Variants in DCC observed in about 807,000 individuals in gnomAD.
DCC encodes DCC netrin 1 receptor.
In DCC, 58 loss-of-function variants were observed where a neutral mutation model predicts 172.5. That is an observed-to-expected ratio of 0.34 (90% CI 0.27 to 0.42). The LOEUF (loss-of-function observed/expected upper bound fraction) is 0.42, where lower values mean the gene tolerates loss of function less well. DCC is among the 10% of genes least tolerant of loss of function. DCC has a pLI of 1.00. For synonymous variants in DCC, 709 were observed against 644.5 expected (o/e 1.10, Z -1.52); for missense variants, 1,740 against 1,791.0 (o/e 0.97, Z 0.51).
At chr18:53,151,259 G>A (rs2043992233) in intron 7 of DCC, among the ~76,000 whole-genome samples, 1 of 152,172 alleles carries the variant, frequency 6.6e-6, no homozygotes, top group South Asian at 2.1e-4. Flanking sequence ...CATTTAGTGA[G>A]GTGGTGTGTT....
chr18:52,568,385 A>T (rs1397786492), intron 1 of DCC, among the ~76,000 whole-genome samples: 1 of 152,148 alleles, frequency 6.6e-6, no homozygotes, highest in Non-Finnish European at 1.5e-5. Context: ...ATTCTTTAGC[A>T]GTAAAAAAAG....
chr18:52,603,751 T>A (rs904412311), intron 1 of DCC, among the ~76,000 whole-genome samples: 1 of 151,718 alleles, frequency 6.6e-6, no homozygotes, highest in Non-Finnish European at 1.5e-5. Context: ...AAGAGAGAAT[T>A]TTTTTGATTC....
intron 1 of DCC, among the ~76,000 whole-genome samples, chr18:52,567,718 A>G (rs182342641): frequency 4.6e-5 from 7 of 152,254 alleles, no homozygotes; most frequent in Admixed American, 4.6e-4. Context: ...AATGTACATT[A>G]TTTCCATGAT....
chr18:52,752,007 A>G, intron 1 of DCC, 47 bp from the exon 2 acceptor site: 1 of 1,520,064 alleles, frequency 6.6e-7, no homozygotes, highest in Non-Finnish European at 9.1e-7. Context: ...TAAGCCTGAG[A>G]TTTATTTGAA....
At chr18:53,047,235 GATATATAT>G (rs70944616) in intron 5 of DCC, among the ~76,000 whole-genome samples, 17 of 30,274 alleles carry the variant, frequency 5.6e-4, no homozygotes, top group South Asian at 3.4e-3. Flanking sequence ...CTGCAGGTAG[GATATATAT>G]ATATATATAT....
At chr18:53,172,848 A>G (rs2055034028) in intron 8 of DCC, among the ~76,000 whole-genome samples, 1 of 152,120 alleles carries the variant, frequency 6.6e-6, no homozygotes, top group African/African-American at 2.4e-5. Flanking sequence ...TCAATACTAG[A>G]TTTAGAGGAG....
chr18:53,157,582 CAGG>C, intron 8 of DCC, 70 bp downstream of exon 8: 6 of 1,520,726 alleles, frequency 3.9e-6, no homozygotes, highest in Non-Finnish European at 5.4e-6. Flanking sequence ...TGGGTAATGG[CAGG>C]AGGAGATCTT....
At chr18:52,571,646 A>G (rs1197377792) in intron 1 of DCC, among the ~76,000 whole-genome samples, 1 of 151,940 alleles carries the variant, frequency 6.6e-6, no homozygotes, top group African/African-American at 2.4e-5. Context: ...CCTCATTACT[A>G]CCTTACCTTT....
At chr18:53,074,067 A>C (rs566103421) in intron 7 of DCC, among the ~76,000 whole-genome samples, 13 of 152,272 alleles carry the variant, frequency 8.5e-5, no homozygotes, top group Non-Finnish European at 1.5e-4. Context: ...GCACCTAAGC[A>C]ACTACGTATG....
chr18:52,868,565 G>A (rs368418746), intron 2 of DCC, among the ~76,000 whole-genome samples: 4 of 152,152 alleles, frequency 2.6e-5, no homozygotes, highest in South Asian at 2.1e-4. Context: ...TCATTCCTAG[G>A]CATGGACCAA....
intron 15 of DCC, among the ~76,000 whole-genome samples, chr18:53,363,702 C>A (rs1439376696): frequency 1.3e-5 from 2 of 152,104 alleles, no homozygotes; most frequent in African/African-American, 4.8e-5. Flanking sequence ...CAGAGTCTCC[C>A]ATAGTATTGA....
chr18:52,836,383 C>G (rs1163302683), intron 2 of DCC, among the ~76,000 whole-genome samples: 3 of 152,196 alleles, frequency 2.0e-5, no homozygotes, highest in Non-Finnish European at 4.4e-5. Flanking sequence ...TCCAAAGTCT[C>G]ATCTGAGGTA....
intron 2 of DCC, among the ~76,000 whole-genome samples, chr18:52,826,095 C>G (rs1382630242): frequency 6.6e-6 from 1 of 152,122 alleles, no homozygotes; most frequent in Non-Finnish European, 1.5e-5. Context: ...TCATGACTAC[C>G]CTCAAAACAT....
intron 23 of DCC, among the ~76,000 whole-genome samples, chr18:53,452,727 C>T (rs1395870806): frequency 6.6e-6 from 1 of 152,152 alleles, no homozygotes; most frequent in Non-Finnish European, 1.5e-5. Flanking sequence ...TTCCTCACTG[C>T]ACTCTCAAAG....
chr18:52,851,633 A>G (rs1317809646), intron 2 of DCC, among the ~76,000 whole-genome samples: 1 of 152,110 alleles, frequency 6.6e-6, no homozygotes, highest in Non-Finnish European at 1.5e-5. Flanking sequence ...TTCCAAACAA[A>G]TAGCAAATTG....
chr18:53,166,222 T>G (rs1568341431), intron 8 of DCC, among the ~76,000 whole-genome samples: 1 of 152,068 alleles, frequency 6.6e-6, no homozygotes, highest in East Asian at 1.9e-4. Context: ...GAGATCATTG[T>G]GCAATTTGCT....
chr18:53,132,529 T>G (rs893462732), intron 7 of DCC, among the ~76,000 whole-genome samples: 5 of 152,158 alleles, frequency 3.3e-5, no homozygotes, highest in Non-Finnish European at 7.3e-5. Context: ...ATGGCTCTTG[T>G]GACAAGATTA....
intron 26 of DCC, among the ~76,000 whole-genome samples, chr18:53,496,410 A>G (rs1324274475): frequency 2.0e-5 from 3 of 152,232 alleles, no homozygotes; most frequent in Non-Finnish European, 4.4e-5. Flanking sequence ...GAATAGTATC[A>G]ACATCAACAA....
chr18:52,969,548 G>A (rs1218474526), intron 5 of DCC, among the ~76,000 whole-genome samples: 2 of 144,538 alleles, frequency 1.4e-5, no homozygotes, highest in Non-Finnish European at 1.5e-5. Flanking sequence ...AACCAGATTA[G>A]CCTCTAATGC....
Sources: allele counts gnomAD v4.1 joint callset (sites outside exome capture counted in the v4.1 genomes callset), GRCh38; gene constraint gnomAD v4.1.1; transcripts MANE v1.5; gene names NCBI Gene and HGNC (gene_info 2026-07-23, HGNC 2026-07-21).